ZNF350: variants seen among roughly 807,000 people sequenced by gnomAD.
The protein encoded by ZNF350 is zinc finger protein 350.
ZNF350 carries 5 observed loss-of-function variants against 13.1 expected under a neutral mutation model. The ratio of observed to expected loss-of-function variants is 0.38; its 90% confidence interval spans 0.20 to 0.80. ZNF350 has a LOEUF of 0.80. Among genes scored for constraint, ZNF350 ranks in the 30% least tolerant of loss-of-function variants. The pLI, the probability that ZNF350 is intolerant of heterozygous loss-of-function variation, is 0.43. For missense variants in ZNF350, 534 were observed against 644.2 expected (o/e 0.83, Z 1.85); for synonymous variants, 199 against 224.2 (o/e 0.89, Z 1.00).
intron 2 of ZNF350, among the ~76,000 whole-genome samples, chr19:51,969,460 T>G (rs1366656604): frequency 6.6e-6 from 1 of 152,124 alleles, no homozygotes; most frequent in African/African-American, 2.4e-5. Flanking sequence ...ATGAAAGACA[T>G]ATATACAGCC....
chr19:51,977,261 C>T (rs1370900554), intron 1 of ZNF350, among the ~76,000 whole-genome samples: 1 of 152,146 alleles, frequency 6.6e-6, no homozygotes, highest in Non-Finnish European at 1.5e-5. Flanking sequence ...GAATTAAAAG[C>T]AAGAGTGGTA....
At chr19:51,966,270 G>T in intron 4 of ZNF350, 56 bp from the exon 5 acceptor site, 3 of 1,477,398 alleles carry the variant, frequency 2.0e-6, no homozygotes, top group East Asian at 2.4e-5. Context: ...AAAGTTTGTT[G>T]TGGTTTTTTT....
chr19:51,981,226 A>G (rs557787415), intron 1 of ZNF350: 1 of 151,146 alleles, frequency 6.6e-6, no homozygotes, highest in South Asian at 2.1e-4. Flanking sequence ...TTGCAAGCCT[A>G]CTCTGAACTG....
chr19:51,969,749 A>G (rs1411805919), intron 2 of ZNF350, among the ~76,000 whole-genome samples: 1 of 152,188 alleles, frequency 6.6e-6, no homozygotes, highest in Non-Finnish European at 1.5e-5. Flanking sequence ...GGCTCATTTG[A>G]GCCTAGGAGT....
chr19:51,982,591 T>A (rs375807444), intron 1 of ZNF350, among the ~76,000 whole-genome samples: 26 of 152,298 alleles, frequency 1.7e-4, no homozygotes, highest in African/African-American at 6.3e-4. Context: ...CAAAGCATTT[T>A]AAAAATGTCA....
chr19:51,977,872 C>G (rs1004713225), intron 1 of ZNF350, among the ~76,000 whole-genome samples: 11 of 152,162 alleles, frequency 7.2e-5, no homozygotes, highest in African/African-American at 2.7e-4. Context: ...TAAGCAATGG[C>G]TAATTTAGCA....
Position 51,974,459 on chromosome 19 carries a change from C to T in ZNF350, c.-99G>A, listed in dbSNP as rs1305870669. 5.5e-6 allele frequency: 8 copies of T among 1,444,932 alleles called. No homozygotes were observed. The highest frequency in any genetic ancestry group is 1.4e-5 in the African/African-American group (1 of 70,990). 89.5% of individuals were successfully genotyped at this position (1,444,932 alleles called of 1,614,324 possible). ...GTCTCAGTTTTCAATCAAGTGTGCC[C>T]CAAGAAATGGTGAACCCCAAATCCA... On this transcript the variant is annotated 5_prime_UTR_variant, in exon 2 of 5. Coordinates refer to ENST00000243644, the MANE Select transcript of ZNF350 (RefSeq NM_021632.4).
intron 1 of ZNF350, among the ~76,000 whole-genome samples, chr19:51,975,159 A>T (rs1052377998): frequency 6.6e-6 from 1 of 152,238 alleles, no homozygotes; most frequent in Admixed American, 6.5e-5. Context: ...CACTACATGT[A>T]ATCTCTAGTT....
intron 1 of ZNF350, among the ~76,000 whole-genome samples, chr19:51,981,669 A>G (rs2086048837): frequency 6.6e-6 from 1 of 152,234 alleles, no homozygotes; most frequent in Non-Finnish European, 1.5e-5. Flanking sequence ...TGTTATAACT[A>G]TATCTCAGAC....
intron 4 of ZNF350, among the ~76,000 whole-genome samples, chr19:51,968,115 C>T (rs1037328135): frequency 2.6e-5 from 4 of 152,022 alleles, no homozygotes; most frequent in African/African-American, 9.7e-5. Flanking sequence ...CAAGGCACAG[C>T]GAAAGTCCAG....
chr19:51,969,197 T>A, intron 2 of ZNF350, 66 bp from the exon 3 acceptor site: 1 of 1,573,950 alleles, frequency 6.4e-7, no homozygotes, highest in Non-Finnish European at 8.7e-7. Flanking sequence ...TGCTAAAGTT[T>A]TTCTGCTCAT....
Position 51,986,804 on chromosome 19 carries a change from A to G in ZNF350, c.-206T>C, listed in dbSNP as rs925094262. The stretch of plus-strand genomic sequence containing the variant: ...CTCCAGATACACAAGAAGGGCCTCA[A>G]CGTTACACTTCCGTAAACTGCTCCT... On this transcript the variant is annotated 5_prime_UTR_variant, in exon 1 of 5. Coordinates refer to ENST00000243644, the MANE Select transcript of ZNF350 (RefSeq NM_021632.4). The G allele has an allele frequency of 3.9e-5, 6 of 152,232 alleles. No individual in the cohort carries two copies. Among genetic ancestry groups the G allele is most frequent in the African/African-American group, 9.7e-5 (4 of 41,422 alleles). The allele number at this position is 152,232 out of a possible 1,614,324, so 9.4% of individuals were successfully genotyped here.
rs148220969 is a variant in ZNF350 at position 51,964,895 on chromosome 19, C to T, written c.1558G>A (p.Val520Met). Reference protein sequence around the residue: ...VNAVNVVVPSVINYVLFYVTE... With the variant: ...VNAVNVVVPSMINYVLFYVTE... Reference sequence around the variant, plus strand: ...ACATAAAATAAGACATAATTGATCACGGAAGGCACAACCACATTCACTGCA... The same window carrying T: ...ACATAAAATAAGACATAATTGATCATGGAAGGCACAACCACATTCACTGCA... The change falls in exon 5 of 5, where the codon GTG becomes ATG. Residue 520 changes from valine (V) to methionine (M), a missense_variant. By Grantham distance (21) the Val-to-Met change is conservative (BLOSUM62 1). Transcript: ENST00000243644. 32 of 1,613,124 alleles carry T rather than the reference C, an allele frequency of 2.0e-5. No homozygotes were observed. Among genetic ancestry groups the T allele is most frequent in the Non-Finnish European group, 2.4e-5 (28 of 1,179,290 alleles).
chr19:51,982,125 T>C (rs1223554745), intron 1 of ZNF350: 1 of 152,100 alleles, frequency 6.6e-6, no homozygotes, highest in Non-Finnish European at 1.5e-5. Flanking sequence ...TAAATAATTA[T>C]CTCTTAAAGC....
Position 51,965,824 on chromosome 19 carries a change from TCACTG to T in ZNF350, c.624_628del (p.Cys208Ter). ...CTTCTTGATGAAGGCTTTCCCACAT[TCACTG>T]CACACATGATGCTTCTCTAATTTTC... On this transcript the variant is annotated stop_gained and frameshift_variant, in exon 5 of 5. Coordinates refer to ENST00000243644, the MANE Select transcript of ZNF350 (RefSeq NM_021632.4). LOFTEE classifies it low-confidence loss of function (END_TRUNC). 6.2e-7 allele frequency: 1 copy of T among 1,614,184 alleles called. No individual in the cohort carries two copies.
chr19:51,983,436 G>C (rs1463750372), intron 1 of ZNF350, among the ~76,000 whole-genome samples: 1 of 152,176 alleles, frequency 6.6e-6, no homozygotes, highest in Non-Finnish European at 1.5e-5. Flanking sequence ...GTTAAAATAA[G>C]AGAAAGCCAT....
rs528408120 is a variant in ZNF350 at position 51,969,427 on chromosome 19, A to G, written c.16-296T>C. On this transcript the variant is annotated intron_variant, in intron 2 of 4. Transcript: ENST00000243644. ...TAAATATATATGAATATATGTACATATATTTATTTTAGATACATGCAAATG... is the reference window on the plus strand; with the variant it reads ...TAAATATATATGAATATATGTACATGTATTTATTTTAGATACATGCAAATG... 2.6e-5 allele frequency among the ~76,000 whole-genome samples: 4 copies of G among 152,168 alleles called. No individual in the cohort carries two copies. The South Asian group carries it at 8.3e-4, about 32-fold the overall frequency.
At chr19:51,985,409 A>G (rs141495687) in intron 1 of ZNF350, among the ~76,000 whole-genome samples, 13 of 152,364 alleles carry the variant, frequency 8.5e-5, no homozygotes, top group African/African-American at 3.1e-4. Context: ...CGATATCATC[A>G]CGAACATGGA....
chr19:51,985,746 C>A (rs1307795696), intron 1 of ZNF350, among the ~76,000 whole-genome samples: 1 of 152,234 alleles, frequency 6.6e-6, no homozygotes, highest in Non-Finnish European at 1.5e-5. Flanking sequence ...GTGGCTCACG[C>A]CTGTAATCCC....
Sources: allele counts gnomAD v4.1 joint callset (sites outside exome capture counted in the v4.1 genomes callset), GRCh38; gene constraint gnomAD v4.1.1; transcripts MANE v1.5; gene names NCBI Gene and HGNC (gene_info 2026-07-23, HGNC 2026-07-21).